The following CTNND2 variants were observed in gnomAD, a reference collection of about 807,000 sequenced individuals.
CTNND2 encodes the protein catenin delta 2, also known as catenin delta-2.
CTNND2 carries 22 observed loss-of-function variants against 144.4 expected under a neutral mutation model. The observed-to-expected ratio is 0.15, with a 90% confidence interval of 0.11 to 0.22. The LOEUF (loss-of-function observed/expected upper bound fraction) is 0.22. Among genes scored for constraint, CTNND2 ranks in the 10% least tolerant of loss-of-function variants. The pLI is 1.00. For synonymous variants in CTNND2, 751 were observed against 695.6 expected, an observed-to-expected ratio of 1.08 and a Z score of -1.25; for missense variants, 1,353 against 1,618.8, an observed-to-expected ratio of 0.84 and a Z score of 2.82.
chr5:11,714,994 T>C (rs1434367824), intron 2 of CTNND2, among the ~76,000 whole-genome samples: 1 of 152,078 alleles, frequency 6.6e-6, no homozygotes, highest in South Asian at 2.1e-4. Flanking sequence ...TATTAGCTAT[T>C]ATGTTTATGA....
chr5:11,862,991 A>T lies in CTNND2; in HGVS notation c.37+40826T>A, dbSNP rs192895841. 1.8e-4 allele frequency among the ~76,000 whole-genome samples: 27 copies of T among 152,332 alleles called. No homozygotes were observed. In the East Asian group the frequency reaches 4.8e-3, roughly 27 times the overall value. On this transcript the variant is annotated intron_variant, in intron 1 of 21. Transcript: ENST00000304623. ...AGTTAGACTTCAAAATTCAACGTAT[A>T]CAGCTCAGAGTTAGATTTGGAGTCT...
chr5:11,096,348 T>A (rs766005958), intron 15 of CTNND2, among the ~76,000 whole-genome samples: 17 of 152,128 alleles, frequency 1.1e-4, no homozygotes, highest in Non-Finnish European at 2.2e-4. Flanking sequence ...CGGTGTGTGA[T>A]GTTCTCCTCC....
chr5:11,224,693 C>T (rs1740144508), intron 10 of CTNND2, among the ~76,000 whole-genome samples: 1 of 152,122 alleles, frequency 6.6e-6, no homozygotes, highest in African/African-American at 2.4e-5. Context: ...CCTTGTGGCT[C>T]CTGGACTCTT....
intron 12 of CTNND2, among the ~76,000 whole-genome samples, chr5:11,157,097 C>T (rs929985938): frequency 6.6e-6 from 1 of 152,208 alleles, no homozygotes; most frequent in African/African-American, 2.4e-5. Flanking sequence ...GACTTAACTA[C>T]ACATGAGCTC....
chr5:11,196,024 G>GC (rs1553997792), intron 11 of CTNND2, among the ~76,000 whole-genome samples: 2 of 152,124 alleles, frequency 1.3e-5, no homozygotes, highest in Non-Finnish European at 2.9e-5. Context: ...ACAGGGAGCT[G>GC]TTTTTTTCAG....
chr5:11,161,067 T>C (rs1344096642), intron 11 of CTNND2, among the ~76,000 whole-genome samples: 1 of 152,248 alleles, frequency 6.6e-6, no homozygotes, highest in African/African-American at 2.4e-5. Flanking sequence ...GTGCCCAGCA[T>C]GCATAAAATA....
At chr5:11,400,136 A>G (rs988304750) in intron 5 of CTNND2, among the ~76,000 whole-genome samples, 1 of 152,082 alleles carries the variant, frequency 6.6e-6, no homozygotes, top group Non-Finnish European at 1.5e-5. Context: ...TTCCTCTGGA[A>G]CTTTTGACTT....
At chr5:11,015,653 G>C (rs144659653) in intron 18 of CTNND2, among the ~76,000 whole-genome samples, 102 of 152,300 alleles carry the variant, frequency 6.7e-4, no homozygotes, top group African/African-American at 1.2e-3. Flanking sequence ...TCTAAAAGCT[G>C]CTTCCCTTCA....
intron 8 of CTNND2, among the ~76,000 whole-genome samples, chr5:11,352,089 G>C (rs1361359976): frequency 1.3e-5 from 2 of 152,270 alleles, no homozygotes; most frequent in Middle Eastern, 3.4e-3. Context: ...ATACTCAAGG[G>C]TAAATTTGAA....
At chr5:11,750,912 C>T (rs1258616517) in intron 1 of CTNND2, among the ~76,000 whole-genome samples, 1 of 151,710 alleles carries the variant, frequency 6.6e-6, no homozygotes, top group African/African-American at 2.4e-5. Context: ...AATACTCATA[C>T]AACATTGTGA....
At chr5:11,228,364 A>C (rs1440934099) in intron 10 of CTNND2, among the ~76,000 whole-genome samples, 4 of 146,046 alleles carry the variant, frequency 2.7e-5, no homozygotes, top group Admixed American at 6.7e-5. Flanking sequence ...AAAAAAAAAA[A>C]AAAAAAAAAA....
chr5:11,427,768 C>A (rs1420574026), intron 3 of CTNND2, among the ~76,000 whole-genome samples: 2 of 152,246 alleles, frequency 1.3e-5, no homozygotes, highest in Admixed American at 1.3e-4. Flanking sequence ...CACCCCACTG[C>A]CCCTCTCTCC....
intron 1 of CTNND2, among the ~76,000 whole-genome samples, chr5:11,869,794 G>A (rs978198443): frequency 6.6e-6 from 1 of 152,194 alleles, no homozygotes; most frequent in Non-Finnish European, 1.5e-5. Context: ...AGGTACACTA[G>A]AAGGTGAGGA....
chr5:11,757,310 T>A (rs1305612929), intron 1 of CTNND2, among the ~76,000 whole-genome samples: 1 of 151,858 alleles, frequency 6.6e-6, no homozygotes, highest in East Asian at 1.9e-4. Flanking sequence ...GTTGTTTAAA[T>A]CTGTACGCAG....
chr5:11,622,470 T>C (rs954549332), intron 2 of CTNND2, among the ~76,000 whole-genome samples: 1 of 152,202 alleles, frequency 6.6e-6, no homozygotes, highest in African/African-American at 2.4e-5. Flanking sequence ...GTAAGAGTTC[T>C]TATCAGAAAT....
At chr5:11,036,320 G>T (rs191211854) in intron 16 of CTNND2, among the ~76,000 whole-genome samples, 34 of 152,106 alleles carry the variant, frequency 2.2e-4, no homozygotes, top group African/African-American at 7.2e-4. Context: ...CTGAAGTTAC[G>T]TCTTGTCTTC....
chr5:11,259,649 G>A (rs1311601546), intron 9 of CTNND2, among the ~76,000 whole-genome samples: 3 of 152,212 alleles, frequency 2.0e-5, no homozygotes, highest in African/African-American at 7.2e-5. Flanking sequence ...TATAGGAAGA[G>A]CTTTTGCTAT....
intron 18 of CTNND2, among the ~76,000 whole-genome samples, chr5:10,997,651 G>A (rs1460125716): frequency 6.6e-6 from 1 of 151,984 alleles, no homozygotes; most frequent in African/African-American, 2.4e-5. Context: ...GTAGAGGGCA[G>A]AAGTCCTAAA....
chr5:11,460,755 G>A (rs150195996), intron 3 of CTNND2, among the ~76,000 whole-genome samples: 152 of 152,190 alleles, frequency 1.0e-3, no homozygotes, highest in African/African-American at 3.5e-3. Flanking sequence ...ACTACTGCAC[G>A]TTAAATTGCA....
Sources: allele counts gnomAD v4.1 joint callset (sites outside exome capture counted in the v4.1 genomes callset), GRCh38; gene constraint gnomAD v4.1.1; transcripts MANE v1.5; gene names NCBI Gene and HGNC (gene_info 2026-07-23, HGNC 2026-07-21).